Variants in HSDL2 observed in about 807,000 individuals in gnomAD.
The protein encoded by HSDL2 is hydroxysteroid dehydrogenase like 2, also known as hydroxysteroid dehydrogenase-like protein 2.
HSDL2 carries 27 observed loss-of-function variants against 46.3 expected under a neutral mutation model. The ratio of observed to expected loss-of-function variants is 0.58; its 90% CI spans 0.43 to 0.80. HSDL2 has a LOEUF of 0.80. HSDL2 is among the 30% of genes least tolerant of loss of function. The probability of loss-of-function intolerance (pLI) is 0.00; values close to 1 mark genes in which losing one functional copy is unlikely to be tolerated. For synonymous variants in HSDL2, 153 were observed against 163.6 expected (o/e 0.94, Z 0.50); for missense variants, 451 against 502.7 (o/e 0.90, Z 0.98).
intron 6 of HSDL2, among the ~76,000 whole-genome samples, chr9:112,437,027 T>C (rs1443702082): frequency 7.1e-6 from 1 of 140,276 alleles, no homozygotes; most frequent in Non-Finnish European, 1.5e-5. Context: ...TGGAGTAATC[T>C]CAGCTCATTG....
At chr9:112,450,935 T>A (rs372834441) in intron 8 of HSDL2, among the ~76,000 whole-genome samples, 4 of 152,256 alleles carry the variant, frequency 2.6e-5, no homozygotes, top group African/African-American at 9.6e-5. Flanking sequence ...GGGTGTGGTA[T>A]CTCATGTCTG....
intron 1 of HSDL2, among the ~76,000 whole-genome samples, chr9:112,389,790 C>A (rs1032761741): frequency 2.6e-5 from 4 of 152,086 alleles, no homozygotes; most frequent in Non-Finnish European, 5.9e-5. Context: ...GTGGGCCGGG[C>A]GTGGTGGCTT....
chr9:112,435,291 A>G (rs1161516596), intron 6 of HSDL2, among the ~76,000 whole-genome samples: 1 of 152,148 alleles, frequency 6.6e-6, no homozygotes, highest in African/African-American at 2.4e-5. Flanking sequence ...CTTCTAATTT[A>G]GAGTTTTTAA....
chr9:112,427,515 A>G (rs1348114816), intron 6 of HSDL2, among the ~76,000 whole-genome samples: 1 of 152,206 alleles, frequency 6.6e-6, no homozygotes, highest in East Asian at 1.9e-4. Flanking sequence ...TCAGTGTTCA[A>G]ATTCCCTCAA....
intron 1 of HSDL2, among the ~76,000 whole-genome samples, chr9:112,399,682 G>A (rs897243783): frequency 3.3e-5 from 5 of 152,170 alleles, no homozygotes; most frequent in Non-Finnish European, 7.3e-5. Context: ...TTCCTCGCTA[G>A]GAAAAGAATT....
chr9:112,459,366 A>C, intron 9 of HSDL2, 83 bp from the exon 10 acceptor site: 1 of 1,441,492 alleles, frequency 6.9e-7, no homozygotes, highest in Admixed American at 2.0e-5. Context: ...GCATTTTGTA[A>C]GATTATTCTA....
intron 1 of HSDL2, among the ~76,000 whole-genome samples, chr9:112,391,328 C>A (rs1021004487): frequency 2.6e-5 from 4 of 151,610 alleles, no homozygotes; most frequent in Non-Finnish European, 5.9e-5. Context: ...ATTAAATTAA[C>A]CAGGCATGTT....
At chr9:112,416,796 G>T (rs753419125) in intron 4 of HSDL2, 45 bp from the exon 5 acceptor site, 3 of 938,826 alleles carry the variant, frequency 3.2e-6, no homozygotes, top group South Asian at 1.4e-5. Flanking sequence ...TGGAGAAATT[G>T]TTAGAAAGCT....
chr9:112,415,431 T>C (rs1831969508), intron 4 of HSDL2, among the ~76,000 whole-genome samples: 2 of 152,202 alleles, frequency 1.3e-5, no homozygotes. Flanking sequence ...TTTACCAACA[T>C]TTGCAGAGGA....
chr9:112,438,791 A>G (rs1011628008), intron 7 of HSDL2, 166 bp downstream of exon 7: 1 of 490,756 alleles, frequency 2.0e-6, no homozygotes, highest in African/African-American at 2.0e-5. Context: ...AACTTAAAAA[A>G]AAAGATGAAT....
chr9:112,468,795 A>C (rs1057257806), intron 10 of HSDL2, among the ~76,000 whole-genome samples: 1 of 152,142 alleles, frequency 6.6e-6, no homozygotes, highest in East Asian at 1.9e-4. Flanking sequence ...TGTTTCCTCC[A>C]AGTTGCTCTT....
chr9:112,404,022 C>T lies in HSDL2; in HGVS notation c.45C>T (p.Ile15=), dbSNP rs752898613. ...TGRLAGCTVF[I]TGASRGIGKA... ...GGCTGGCAGGATGTACAGTTTTTAT[C>T]ACAGGTGCAAGCCGTGGCATTGGCA... Residue 15 remains isoleucine, a synonymous_variant, in exon 2 of 11, where the codon ATC becomes ATT. Coordinates refer to ENST00000398805, the MANE Select transcript of HSDL2 (RefSeq NM_032303.5). 1.7e-5 allele frequency: 27 copies of T among 1,613,954 alleles called. No homozygotes were observed. Among genetic ancestry groups the T allele is most frequent in the Non-Finnish European group, 2.2e-5 (26 of 1,179,990 alleles).
At chr9:112,422,982 G>A (rs1429444676) in intron 6 of HSDL2, among the ~76,000 whole-genome samples, 1 of 152,186 alleles carries the variant, frequency 6.6e-6, no homozygotes, top group African/African-American at 2.4e-5. Context: ...GTTACTTATT[G>A]ACAAGATGAA....
intron 9 of HSDL2, among the ~76,000 whole-genome samples, chr9:112,458,328 T>TTC: frequency 6.6e-6 from 1 of 151,516 alleles, no homozygotes; most frequent in Non-Finnish European, 1.5e-5. Context: ...TTCTTTTTTT[T>TTC]TTTTTTTTCT....
At chr9:112,380,306 G>A in intron 1 of HSDL2, 126 bp downstream of exon 1, 1 of 844,166 alleles carries the variant, frequency 1.2e-6, no homozygotes, top group Non-Finnish European at 1.8e-6. Flanking sequence ...GCCTGGGCAC[G>A]CTCTGAGCTC....
rs1374312752 is a variant in HSDL2 at position 112,419,536 on chromosome 9, A to C, written c.598+578A>C. On this transcript the variant is annotated intron_variant, in intron 6 of 10. Transcript: ENST00000398805. Reference sequence around the variant, plus strand: ...ACACTTTAAGAATCTTTTGAAGGCCAACAGGAGAAGCTGCACTTCCCCAAC... The same window carrying C: ...ACACTTTAAGAATCTTTTGAAGGCCCACAGGAGAAGCTGCACTTCCCCAAC... Among the ~76,000 whole-genome samples the C allele has an allele frequency of 5.3e-4, 81 of 152,202 alleles. 1 individual carries two copies. The highest frequency in any genetic ancestry group is 4.4e-5 in the Non-Finnish European group (3 of 68,036).
rs181202300 is a variant in HSDL2 at position 112,403,296 on chromosome 9, A to G, written c.18-699A>G. Among the ~76,000 whole-genome samples the G allele has an allele frequency of 2.9e-3, 448 of 152,270 alleles. 1 individual carries two copies. The highest frequency in any genetic ancestry group is 4.5e-3 in the Non-Finnish European group (303 of 68,022). On this transcript the variant is annotated intron_variant, in intron 1 of 10. Transcript: ENST00000398805. ...GGTAACCTCTGATCTTTCTGTCTCT[A>G]TAGGTTTGCCTATTCTGGACATTTC...
intron 6 of HSDL2, among the ~76,000 whole-genome samples, chr9:112,432,828 C>T (rs1342827031): frequency 6.6e-6 from 1 of 152,106 alleles, no homozygotes; most frequent in South Asian, 2.1e-4. Flanking sequence ...AATGCAGTGG[C>T]GCCATCTCGG....
chr9:112,413,311 T>A (rs1349562082), intron 4 of HSDL2, among the ~76,000 whole-genome samples: 3 of 152,046 alleles, frequency 2.0e-5, no homozygotes, highest in Non-Finnish European at 4.4e-5. Flanking sequence ...AAACCCCGTC[T>A]CTACTAAAAA....
Sources: allele counts gnomAD v4.1 joint callset (sites outside exome capture counted in the v4.1 genomes callset), GRCh38; gene constraint gnomAD v4.1.1; transcripts MANE v1.5; gene names NCBI Gene and HGNC (gene_info 2026-07-23, HGNC 2026-07-21).